The following SLC26A8 variants were observed in gnomAD, a reference collection of about 807,000 sequenced individuals.
The protein encoded by SLC26A8 is testis anion transporter 1.
Under a neutral mutation model 105.0 loss-of-function variants are expected in SLC26A8, and 70 were observed. That is an observed-to-expected ratio of 0.67 (90% CI 0.55 to 0.81). SLC26A8 has a LOEUF of 0.81. Ranked by LOEUF, SLC26A8 falls within the 40% of genes least tolerant of loss-of-function variation. SLC26A8 has a pLI of 0.00. For synonymous variants in SLC26A8, 415 were observed against 438.3 expected (o/e 0.95, Z 0.66); for missense variants, 998 against 1,181.8 (o/e 0.84, Z 2.28).
At chr6:35,961,443 A>C (rs1270065065) in intron 12 of SLC26A8, among the ~76,000 whole-genome samples, 1 of 152,234 alleles carries the variant, frequency 6.6e-6, no homozygotes, top group Non-Finnish European at 1.5e-5. Flanking sequence ...GGTAGTTGCT[A>C]TTTTAAGATG....
At position 35,971,028 on chromosome 6, in the gene SLC26A8, AAACAACAAC is replaced by A. The variant is rs368306720; in HGVS notation, c.1288-2083_1288-2075del. ...GCAACAAGAGCAAAACTCCATCTCA[AAACAACAAC>A]AACAACAACAACAACAACAAAAATC... On this transcript the variant is annotated intron_variant, in intron 10 of 19. Transcript: ENST00000490799. Among the ~76,000 whole-genome samples, 16 of 151,792 alleles carry A rather than the reference AAACAACAAC, an allele frequency of 1.1e-4. 1 individual carries two copies. The highest frequency in any genetic ancestry group is 5.8e-4 in the East Asian group (3 of 5,184).
intron 4 of SLC26A8, 21 bp from the exon 5 acceptor site, chr6:35,997,940 T>G (rs774666835): frequency 9.3e-6 from 15 of 1,608,458 alleles, no homozygotes; most frequent in Admixed American, 3.4e-5. Flanking sequence ...AGATGTTAGG[T>G]AGAAGGTGAA....
At chr6:35,951,686 T>C (rs990306529) in intron 17 of SLC26A8, among the ~76,000 whole-genome samples, 187 bp from the exon 18 acceptor site, 1 of 152,096 alleles carries the variant, frequency 6.6e-6, no homozygotes, top group African/African-American at 2.4e-5. Flanking sequence ...TCAAGTGATT[T>C]GTCCACCTCA....
Position 35,997,692 on chromosome 6 carries a change from C to A in SLC26A8, c.627+46G>T, listed in dbSNP as rs142656883. 3.2e-6 allele frequency: 5 copies of A among 1,581,078 alleles called. No homozygotes were observed. In the African/African-American group the frequency reaches 6.8e-5, roughly 21 times the overall value. ...TATAAGGAAGGGGTCTGTTTATAGC[C>A]CCTTTATTCAGTTCCTTTTCAGGGA... On this transcript the variant is annotated intron_variant, in intron 5 of 19. Transcript: ENST00000490799.
At chr6:35,953,072 A>T (rs2127292751) in intron 17 of SLC26A8, among the ~76,000 whole-genome samples, 1 of 152,004 alleles carries the variant, frequency 6.6e-6, no homozygotes, top group East Asian at 1.9e-4. Context: ...TCCAGTTTTC[A>T]ATTATAAAGT....
intron 11 of SLC26A8, among the ~76,000 whole-genome samples, chr6:35,967,508 G>A (rs1772563997): frequency 6.6e-6 from 1 of 152,178 alleles, no homozygotes; most frequent in African/African-American, 2.4e-5. Context: ...TCTCTACAGG[G>A]TGCTCAGTTT....
Position 35,951,428 on chromosome 6 carries a change from G to A in SLC26A8, c.2287+17C>T. 6.2e-7 allele frequency: 1 copy of A among 1,614,080 alleles called. No individual in the cohort carries two copies. The highest frequency in any genetic ancestry group is 8.5e-7 in the Non-Finnish European group (1 of 1,179,982). The stretch of plus-strand genomic sequence containing the variant: ...CAGGGTGCAAAACAGCCCTCTCATA[G>A]GGTGAAGGATACTCACAGTGACACC... On this transcript the variant is annotated intron_variant, in intron 18 of 19. Transcript: ENST00000490799.
chr6:35,949,766 TG>T (rs1202970120), intron 19 of SLC26A8, among the ~76,000 whole-genome samples: 3 of 151,986 alleles, frequency 2.0e-5, no homozygotes, highest in African/African-American at 4.8e-5. Context: ...GTTAACTAGT[TG>T]TTTTTTTATT....
At chr6:35,986,024 C>CTTTTT (rs34715373) in intron 7 of SLC26A8, among the ~76,000 whole-genome samples, 7 of 71,376 alleles carry the variant, frequency 9.8e-5, no homozygotes, top group Non-Finnish European at 1.6e-4. Flanking sequence ...ACATATACAT[C>CTTTTT]TTTTTTTTTT....
chr6:35,960,598 G>C, intron 14 of SLC26A8: 1 of 431,692 alleles, frequency 2.3e-6, no homozygotes, highest in Non-Finnish European at 4.1e-6. Flanking sequence ...GGAGGTTGCA[G>C]TAAGCCAAGA....
chr6:35,947,415 G>C (rs144964138), intron 19 of SLC26A8, among the ~76,000 whole-genome samples: 133 of 152,298 alleles, frequency 8.7e-4, no homozygotes, highest in Non-Finnish European at 1.6e-3. Context: ...CTTGTTCTGA[G>C]AGGTTTAGTT....
intron 11 of SLC26A8, among the ~76,000 whole-genome samples, chr6:35,967,983 G>A (rs1468299666): frequency 6.6e-6 from 1 of 151,988 alleles, no homozygotes; most frequent in African/African-American, 2.4e-5. Context: ...GAATGGCTGG[G>A]ATTACAGGCA....
At chr6:36,006,054 T>C (rs377343524) in intron 3 of SLC26A8, among the ~76,000 whole-genome samples, 195 of 152,334 alleles carry the variant, frequency 1.3e-3, no homozygotes, top group African/African-American at 4.6e-3. Context: ...TTCACATCAA[T>C]TAAACTAATG....
chr6:35,977,249 G>T lies in SLC26A8; in HGVS notation c.1128C>A (p.Gly376=), dbSNP rs774535672. ...AATTGTGAAGACTGGCAATCTTCTT[G>T]CCCAGAAATATGAGCAGAAAGGAGC... is the stretch of plus-strand genomic sequence containing the variant. ...LVSSFLLIFL[G]KKIASLHNYS... Residue 376 remains glycine (G), a synonymous_variant, in exon 9 of 20, where the codon GGC becomes GGA. Coordinates refer to ENST00000490799, the MANE Select transcript of SLC26A8 (RefSeq NM_052961.4). 6.2e-7 allele frequency: 1 copy of T among 1,614,034 alleles called. No homozygotes were observed. The highest frequency in any genetic ancestry group is 8.5e-7 in the Non-Finnish European group (1 of 1,179,974).
intron 16 of SLC26A8, among the ~76,000 whole-genome samples, chr6:35,956,409 C>T (rs908262928): frequency 8.5e-6 from 1 of 117,662 alleles, no homozygotes; most frequent in Non-Finnish European, 1.6e-5. Context: ...GATTGAGCAA[C>T]AGAGCAAGAC....
intron 2 of SLC26A8, among the ~76,000 whole-genome samples, chr6:36,018,247 C>T (rs563811644): frequency 3.9e-5 from 6 of 152,124 alleles, no homozygotes; most frequent in Admixed American, 1.3e-4. Flanking sequence ...AGCCTAATGG[C>T]GGTAGAAACA....
chr6:36,018,301 A>G (rs149609503), intron 2 of SLC26A8, among the ~76,000 whole-genome samples: 11 of 152,388 alleles, frequency 7.2e-5, no homozygotes, highest in African/African-American at 1.7e-4. Flanking sequence ...AATGTGGTAT[A>G]TAAATACAAT....
At chr6:35,957,829 C>G (rs1772143160) in intron 16 of SLC26A8, among the ~76,000 whole-genome samples, 1 of 152,156 alleles carries the variant, frequency 6.6e-6, no homozygotes, top group African/African-American at 2.4e-5. Flanking sequence ...TAGTTTCGAA[C>G]TCCTGACCCC....
At chr6:35,961,280 G>A (rs1482623637) in intron 12 of SLC26A8, among the ~76,000 whole-genome samples, 181 bp from the exon 13 acceptor site, 1 of 152,112 alleles carries the variant, frequency 6.6e-6, no homozygotes, top group African/African-American at 2.4e-5. Flanking sequence ...AGGATGCCTA[G>A]CAATTCTTTT....
Sources: gnomAD v4.1 joint callset for allele counts (sites outside exome capture counted in the v4.1 genomes callset) on GRCh38, gnomAD v4.1.1 for gene constraint, MANE v1.5 for transcripts, NCBI Gene and HGNC (gene_info 2026-07-23, HGNC 2026-07-21) for gene names.